The following PCDHB16 variants were observed in gnomAD, a reference collection of about 807,000 sequenced individuals.
PCDHB16 encodes the protein protocadherin beta 16.
For missense variants in PCDHB16, 1,026 were observed against 989.9 expected, an observed-to-expected ratio of 1.04 and a Z score of -0.49; for synonymous variants, 444 against 436.5, an observed-to-expected ratio of 1.02 and a Z score of -0.21.
Position 141,185,015 on chromosome 5 carries a change from T to C in PCDHB16, c.*125T>C. ...ATTGTCTTGTTGATTAAATTGTTCA[T>C]GCTCACCACCACCAATAAGGTATTT... On this transcript the variant is annotated 3_prime_UTR_variant, in exon 1 of 1. Transcript: ENST00000609684. The C allele has an allele frequency of 6.8e-7, 1 of 1,468,676 alleles. No individual in the cohort carries two copies. The highest frequency in any genetic ancestry group is 9.0e-7 in the Non-Finnish European group (1 of 1,110,030). The allele number at this position is 1,468,676 out of a possible 1,614,324, so 91.0% of individuals were successfully genotyped here. A position where few individuals can be genotyped will look rare whatever the true frequency, so the allele number is the denominator to read the frequency against.
In PCDHB16 at chr5:141,183,805, G is replaced by A. The variant is rs1753635485; in HGVS notation, c.1246G>A (p.Glu416Lys). 3 of 1,614,216 alleles carry A rather than the reference G, an allele frequency of 1.9e-6. No homozygotes were observed. The highest frequency in any genetic ancestry group is 1.6e-4 in the Middle Eastern group (1 of 6,062). Reference sequence around the variant, plus strand: ...AGCACTCGACAGAGAAGCAAGAGCTGAATATAATATCACCCTCACCGTCAC... The same window carrying A: ...AGCACTCGACAGAGAAGCAAGAGCTAAATATAATATCACCCTCACCGTCAC... ...ERALDREARA[E>K]YNITLTVTDM... The change falls in exon 1 of 1, where the codon GAA (glutamate) becomes AAA (lysine). Residue 416 changes from glutamate (E) to lysine (K), a missense_variant. Physicochemically the swap from Glu to Lys is moderately conservative, Grantham distance 56. Transcript: ENST00000609684.
In PCDHB16 at chr5:141,185,104, C is replaced by T; in HGVS notation, c.*214C>T. ...GTTTCCCTTTTCCTCATATTTACCCCGAAGAGGTGTTGCATATAGAATCCC... is the reference window on the plus strand; with the variant it reads ...GTTTCCCTTTTCCTCATATTTACCCTGAAGAGGTGTTGCATATAGAATCCC... On this transcript the variant is annotated 3_prime_UTR_variant, in exon 1 of 1. Transcript: ENST00000609684. 3 of 1,387,842 alleles carry T rather than the reference C, an allele frequency of 2.2e-6. No homozygotes were observed. The highest frequency in any genetic ancestry group is 1.5e-5 in the African/African-American group (1 of 68,708). The allele number at this position is 1,387,842 out of a possible 1,614,324, so 86.0% of individuals were successfully genotyped here. A position where few individuals can be genotyped will look rare whatever the true frequency, so the allele number is the denominator to read the frequency against.
rs782061912 is a variant in PCDHB16 at position 141,183,796 on chromosome 5, G to A, written c.1237G>A (p.Ala413Thr). The A allele has an allele frequency of 6.2e-7, 1 of 1,614,164 alleles. No individual in the cohort carries two copies. Among genetic ancestry groups the A allele is most frequent in the Non-Finnish European group, 8.5e-7 (1 of 1,179,988 alleles). Residue 413 changes from alanine (A) to threonine (T), a missense_variant, in exon 1 of 1, where the codon GCA (alanine) becomes ACA (threonine). Ala to Thr is a moderately conservative substitution (Grantham distance 58). Coordinates refer to ENST00000609684, the MANE Select transcript of PCDHB16 (RefSeq NM_020957.4). ...LVTERALDRE[A>T]RAEYNITLTV... ...AACGGAGAGAGCACTCGACAGAGAAGCAAGAGCTGAATATAATATCACCCT... is the reference window on the plus strand; with the variant it reads ...AACGGAGAGAGCACTCGACAGAGAAACAAGAGCTGAATATAATATCACCCT...
chr5:141,182,833 C>G lies in PCDHB16; in HGVS notation c.274C>G (p.Arg92Gly). The G allele has an allele frequency of 6.2e-7, 1 of 1,614,074 alleles. No homozygotes were observed. Among genetic ancestry groups the G allele is most frequent in the Non-Finnish European group, 8.5e-7 (1 of 1,180,026 alleles). ...TTTGCTCATAAATGAGAAGCTAGAT[C>G]GAGAGGAGCTATGCGGTCCCACTGA... Reference protein sequence around the residue: ...GDLLINEKLDREELCGPTEPC... With the variant: ...GDLLINEKLDGEELCGPTEPC... The change falls in exon 1 of 1, where the codon CGA becomes GGA. Residue 92 changes from arginine to glycine, a missense_variant. By Grantham distance (125) the Arg-to-Gly change is moderately radical. Coordinates refer to ENST00000609684, the MANE Select transcript of PCDHB16 (RefSeq NM_020957.4).
In PCDHB16 at chr5:141,183,465, A is replaced by C; in HGVS notation, c.906A>C (p.Arg302=). The C allele has an allele frequency of 6.2e-7, 1 of 1,614,198 alleles. No homozygotes were observed. Among genetic ancestry groups the C allele is most frequent in the Non-Finnish European group, 8.5e-7 (1 of 1,180,042 alleles). ...LEVNPMTGEV[R]LRKQVDFEMV... ...TAAATCCTATGACAGGGGAAGTTCG[A>C]CTGAGAAAGCAAGTAGATTTCGAAA... Residue 302 remains arginine (R), a synonymous_variant, in exon 1 of 1, where the codon CGA becomes CGC. Transcript: ENST00000609684.
In PCDHB16 at chr5:141,184,340, G is replaced by A. The variant is rs1554282352; in HGVS notation, c.1781G>A (p.Gly594Asp). Residue 594 changes from glycine (G) to aspartate (D), a missense_variant, in exon 1 of 1, where the codon GGC becomes GAC. By Grantham distance (94) the Gly-to-Asp change is moderately conservative (BLOSUM62 -1). Coordinates refer to ENST00000609684, the MANE Select transcript of PCDHB16 (RefSeq NM_020957.4). ...GTGACCAAGGTGGTGGCGGTGGACG[G>A]CGACTCGGGCCAGAATGCCTGGCTG... ...YLVTKVVAVDGDSGQNAWLSY... is the reference protein window; with the variant it reads ...YLVTKVVAVDDDSGQNAWLSY... The A allele has an allele frequency of 3.8e-6, 6 of 1,595,456 alleles. 1 individual carries two copies.
rs56237941 is a variant in PCDHB16 at position 141,183,975 on chromosome 5, C to T, written c.1416C>T (p.Ser472=). The change falls in exon 1 of 1, where the codon AGC becomes AGT. Residue 472 remains serine (S), a synonymous_variant. Transcript: ENST00000609684. The stretch of plus-strand genomic sequence containing the variant: ...ACAGCCCCGCCCTGCACATCGGCAG[C>T]GTCAGCGCCACAGACAGAGACTCGG... The part of the protein sequence containing the change: ...ENNSPALHIG[S]VSATDRDSGT... The T allele has an allele frequency of 1.8e-3, 2,853 of 1,612,208 alleles. 55 individuals are homozygous for T. In the African/African-American group the frequency reaches 0.034, roughly 19 times the overall value.
rs2149663320 is a variant in PCDHB16 at position 141,185,999 on chromosome 5, T to A, written c.*1109T>A. On this transcript the variant is annotated 3_prime_UTR_variant, in exon 1 of 1. Coordinates refer to ENST00000609684, the MANE Select transcript of PCDHB16 (RefSeq NM_020957.4). Reference sequence around the variant, plus strand: ...AAAAAATCAGAGGTCCCTGTTATATTTTTAATGGCTAACAACTCAATCTCA... The same window carrying A: ...AAAAAATCAGAGGTCCCTGTTATATATTTAATGGCTAACAACTCAATCTCA... The A allele has an allele frequency of 1.0e-6, 1 of 972,396 alleles. No homozygotes were observed. Among genetic ancestry groups the A allele is most frequent in the Admixed American group, 6.2e-5 (1 of 16,248 alleles). The allele number at this position is 972,396 out of a possible 1,614,324, so 60.2% of individuals were successfully genotyped here.
At position 141,183,777 on chromosome 5, in the gene PCDHB16, G is replaced by A; in HGVS notation, c.1218G>A (p.Glu406=). ...AGAACTTTTACACCTTGGTAACGGA[G>A]AGAGCACTCGACAGAGAAGCAAGAG... ...SVKNFYTLVT[E]RALDREARAE... Residue 406 remains glutamate, a synonymous_variant, in exon 1 of 1, where the codon GAG becomes GAA. Transcript: ENST00000609684. 1 of 1,614,202 alleles carries A rather than the reference G, an allele frequency of 6.2e-7. No individual in the cohort carries two copies. The highest frequency in any genetic ancestry group is 1.1e-5 in the South Asian group (1 of 91,092).
rs1753682689 is a variant in PCDHB16, at chr5:141,184,842, A to T, written c.2283A>T (p.Thr761=). The T allele has an allele frequency of 5.0e-6, 8 of 1,614,192 alleles. No homozygotes were observed. The highest frequency in any genetic ancestry group is 6.8e-6 in the Non-Finnish European group (8 of 1,180,034). ...YEVCLTGGSE[T]SEFKFLKPII... ...TGTGTCTGACAGGAGGCTCAGAAAC[A>T]AGTGAGTTCAAGTTCCTGAAGCCGA... The change falls in exon 1 of 1, where the codon ACA becomes ACT. Residue 761 remains threonine, a synonymous_variant. Coordinates refer to ENST00000609684, the MANE Select transcript of PCDHB16 (RefSeq NM_020957.4).
rs573584007 is a variant in PCDHB16 at position 141,184,132 on chromosome 5, C to A, written c.1573C>A (p.Gln525Lys). The A allele has an allele frequency of 6.6e-7, 1 of 1,526,480 alleles. No homozygotes were observed. The highest frequency in any genetic ancestry group is 8.8e-7 in the Non-Finnish European group (1 of 1,133,744). 94.6% of individuals were successfully genotyped at this position (1,526,480 alleles called of 1,614,324 possible). A position where few individuals can be genotyped will look rare whatever the true frequency, so the allele number is the denominator to read the frequency against. ...CAGGTCGCTGGACTACGAGGCCCTG[C>A]AGGCTTTCGAGTTCCGCGTGGGCGC... is the stretch of plus-strand genomic sequence containing the variant. ...ALRSLDYEAL[Q>K]AFEFRVGATD... The change falls in exon 1 of 1, where the codon CAG becomes AAG. Residue 525 changes from glutamine to lysine, a missense_variant. Gln to Lys is a moderately conservative substitution (Grantham distance 53, BLOSUM62 1). Coordinates refer to ENST00000609684, the MANE Select transcript of PCDHB16 (RefSeq NM_020957.4).
rs782100642 is a variant in PCDHB16 at position 141,183,348 on chromosome 5, C to T, written c.789C>T (p.Thr263=). Residue 263 remains threonine (T), a synonymous_variant, in exon 1 of 1, where the codon ACC becomes ACT. Transcript: ENST00000609684. ...GTCCTCTTGGCTCCCTGGTTGCCAC[C>T]GTCTCCGCCAGGGATTTAGACGGCG... is the stretch of plus-strand genomic sequence containing the variant. ...ENSPLGSLVA[T]VSARDLDGGA... 18 of 1,614,128 alleles carry T rather than the reference C, an allele frequency of 1.1e-5. No homozygotes were observed. The highest frequency in any genetic ancestry group is 1.5e-5 in the Non-Finnish European group (18 of 1,180,024).
rs538140444 is a variant in PCDHB16 at position 141,185,567 on chromosome 5, T to G, written c.*677T>G. On this transcript the variant is annotated 3_prime_UTR_variant, in exon 1 of 1. Transcript: ENST00000609684. ...CTTGGACTATAGGTGCATGCCACCA[T>G]GCCTGGCTAATCTTTTGCAGCGATG... The G allele has an allele frequency of 2.9e-6, 1 of 341,520 alleles. No homozygotes were observed. Among genetic ancestry groups the G allele is most frequent in the South Asian group, 1.2e-4 (1 of 8,414 alleles). The allele number at this position is 341,520 out of a possible 1,614,324, so 21.2% of individuals were successfully genotyped here.
Position 141,185,085 on chromosome 5 carries a change from C to T in PCDHB16, c.*195C>T, listed in dbSNP as rs1024722166. The T allele has an allele frequency of 2.0e-5, 28 of 1,415,618 alleles. No individual in the cohort carries two copies. Among genetic ancestry groups the T allele is most frequent in the Non-Finnish European group, 2.6e-5 (28 of 1,083,480 alleles). The allele number at this position is 1,415,618 out of a possible 1,614,324, so 87.7% of individuals were successfully genotyped here. On this transcript the variant is annotated 3_prime_UTR_variant, in exon 1 of 1. Transcript: ENST00000609684. The stretch of plus-strand genomic sequence containing the variant: ...AATTATATTGTTAATTCCAGTTTCC[C>T]TTTTCCTCATATTTACCCCGAAGAG...
rs200613183 is a variant in PCDHB16, at chr5:141,182,708, A to G, written c.149A>G (p.Lys50Arg). The G allele has an allele frequency of 6.2e-7, 1 of 1,610,708 alleles. No individual in the cohort carries two copies. The highest frequency in any genetic ancestry group is 1.3e-5 in the African/African-American group (1 of 74,832). The change falls in exon 1 of 1, where the codon AAA (lysine) becomes AGA (arginine). Residue 50 changes from lysine to arginine, a missense_variant. Physicochemically the swap from Lys to Arg is conservative, Grantham distance 26. Coordinates refer to ENST00000609684, the MANE Select transcript of PCDHB16 (RefSeq NM_020957.4). ...GGCTCTTTTGTGGCAAATCTAGGAA[A>G]AGACCTGGGGTTGGGGTTGACAGAG... ...ERGSFVANLGKDLGLGLTEMS... is the reference protein window; with the variant it reads ...ERGSFVANLGRDLGLGLTEMS...
Position 141,183,494 on chromosome 5 carries a change from T to C in PCDHB16, c.935T>C (p.Val312Ala), listed in dbSNP as rs1184833476. The C allele has an allele frequency of 1.2e-6, 2 of 1,614,202 alleles. No homozygotes were observed. Among genetic ancestry groups the C allele is most frequent in the East Asian group, 2.2e-5 (1 of 44,880 alleles). ...RLRKQVDFEM[V>A]TSYEVRIKAT... ...AGAAAGCAAGTAGATTTCGAAATGGTTACGTCTTATGAAGTGCGCATCAAA... is the reference window on the plus strand; with the variant it reads ...AGAAAGCAAGTAGATTTCGAAATGGCTACGTCTTATGAAGTGCGCATCAAA... The change falls in exon 1 of 1, where the codon GTT becomes GCT. Residue 312 changes from valine to alanine, a missense_variant. By Grantham distance (64) the Val-to-Ala change is moderately conservative. Transcript: ENST00000609684.
At position 141,185,723 on chromosome 5, in the gene PCDHB16, T is replaced by A. The variant is rs1204010021; in HGVS notation, c.*833T>A. 6.0e-6 allele frequency: 6 copies of A among 998,024 alleles called. No homozygotes were observed. The highest frequency in any genetic ancestry group is 5.2e-4 in the Middle Eastern group (1 of 1,936). The allele number at this position is 998,024 out of a possible 1,614,324, so 61.8% of individuals were successfully genotyped here. On this transcript the variant is annotated 3_prime_UTR_variant, in exon 1 of 1. Transcript: ENST00000609684. Reference sequence around the variant, plus strand: ...CATCCAAAGTTTTATTTATTTATTTTTTTGAGATGGAGTCTCGTAAAGTTA... The same window carrying A: ...CATCCAAAGTTTTATTTATTTATTTATTTGAGATGGAGTCTCGTAAAGTTA...
rs370334397 is a variant in PCDHB16, at chr5:141,184,438, G to T, written c.1879G>T (p.Ala627Ser). ...GGCGCACAATGGCGAGGTGCGCACC[G>T]CCAGGCTGCTGAGCGAGCGCGACGC... ...VWAHNGEVRT[A>S]RLLSERDAAK... Residue 627 changes from alanine to serine, a missense_variant, in exon 1 of 1, where the codon GCC (alanine) becomes TCC (serine). Transcript: ENST00000609684. 1 of 1,607,692 alleles carries T rather than the reference G, an allele frequency of 6.2e-7. No homozygotes were observed. The highest frequency in any genetic ancestry group is 1.1e-5 in the South Asian group (1 of 90,930).
rs782062376 is a variant in PCDHB16 at position 141,182,896 on chromosome 5, C to A, written c.337C>A (p.Pro113Thr). ...ILHFQVLMEN[P>T]LEIFQAELRV... ...ACATTTCCAAGTGTTAATGGAAAAC[C>A]CTTTAGAAATATTTCAGGCTGAACT... is the stretch of plus-strand genomic sequence containing the variant. The change falls in exon 1 of 1, where the codon CCT (proline) becomes ACT (threonine). Residue 113 changes from proline (P) to threonine (T), a missense_variant. Transcript: ENST00000609684. 2.5e-6 allele frequency: 4 copies of A among 1,614,066 alleles called. No individual in the cohort carries two copies. The highest frequency in any genetic ancestry group is 1.3e-5 in the African/African-American group (1 of 75,012).
Sources: gnomAD v4.1 joint callset for allele counts on GRCh38, gnomAD v4.1.1 for gene constraint, MANE v1.5 for transcripts, NCBI Gene and HGNC (gene_info 2026-07-23, HGNC 2026-07-21) for gene names.